The following GDA variants were observed in gnomAD, a reference collection of about 807,000 sequenced individuals.
GDA encodes the protein guanine deaminase.
In GDA, 18 loss-of-function variants were observed where a neutral mutation model predicts 59.6. The ratio of observed to expected loss-of-function variants is 0.30; its 90% CI spans 0.21 to 0.45. The LOEUF (loss-of-function observed/expected upper bound fraction) is 0.45. GDA is among the 20% of genes least tolerant of loss of function. The pLI is 1.00. For missense variants in GDA, 427 were observed against 552.3 expected (o/e 0.77, Z 2.27); for synonymous variants, 201 against 201.1 (o/e 1.00, Z 0.00).
chr9:72,157,871 A>G (rs2130805976), intron 1 of GDA, among the ~76,000 whole-genome samples: 1 of 152,300 alleles, frequency 6.6e-6, no homozygotes, highest in East Asian at 1.9e-4. Context: ...ACCATGACTG[A>G]TTTACACCAT....
intron 1 of GDA, among the ~76,000 whole-genome samples, chr9:72,158,072 G>T (rs927874484): frequency 6.6e-6 from 1 of 152,076 alleles, no homozygotes; most frequent in African/African-American, 2.4e-5. Flanking sequence ...GCCCAGCTCT[G>T]ATCTTCTCTT....
In GDA at chr9:72,198,899, A is replaced by G. The variant is rs913095561; in HGVS notation, c.212+3311A>G. The stretch of plus-strand genomic sequence containing the variant: ...CTCAGGTTATGATACAGCTTGGCCA[A>G]CACTGCAGATTTGGAATACCTGGGG... On this transcript the variant is annotated intron_variant, in intron 2 of 13. Coordinates refer to ENST00000358399, the MANE Select transcript of GDA (RefSeq NM_004293.5). Among the ~76,000 whole-genome samples the G allele has an allele frequency of 2.2e-4, 31 of 144,002 alleles. No homozygotes were observed. In the East Asian group the frequency reaches 5.9e-3, roughly 28 times the overall value. 94.5% of individuals were successfully genotyped at this position (144,002 alleles called of 152,430 possible).
intron 1 of GDA, among the ~76,000 whole-genome samples, chr9:72,116,689 C>T (rs1027992716): frequency 1.3e-5 from 2 of 152,026 alleles, no homozygotes; most frequent in Non-Finnish European, 2.9e-5. Flanking sequence ...CCGGCCTCCC[C>T]AGGTTTTCTA....
chr9:72,152,137 A>G (rs1328040316), intron 1 of GDA, among the ~76,000 whole-genome samples: 1 of 152,188 alleles, frequency 6.6e-6, no homozygotes, highest in Admixed American at 6.5e-5. Context: ...GAATAACTGT[A>G]ACACATAGTT....
At chr9:72,201,190 A>G (rs1344823316) in intron 2 of GDA, among the ~76,000 whole-genome samples, 3 of 125,018 alleles carry the variant, frequency 2.4e-5, no homozygotes, top group Non-Finnish European at 5.4e-5. Context: ...TGAGTCACAC[A>G]GAATTTTTTT....
intron 8 of GDA, 51 bp from the exon 9 acceptor site, chr9:72,227,892 A>G: frequency 1.1e-6 from 1 of 948,740 alleles, no homozygotes; most frequent in Non-Finnish European, 1.7e-6. Context: ...GTGAGTACCC[A>G]CTTAATCATT....
intron 11 of GDA, among the ~76,000 whole-genome samples, chr9:72,241,586 T>C (rs911219992): frequency 6.6e-6 from 1 of 152,180 alleles, no homozygotes; most frequent in African/African-American, 2.4e-5. Flanking sequence ...TGCTTTAAAA[T>C]AATCCATTCT....
intron 2 of GDA, among the ~76,000 whole-genome samples, chr9:72,200,003 T>C (rs892855797): frequency 6.8e-6 from 1 of 147,258 alleles, no homozygotes; most frequent in African/African-American, 2.5e-5. Context: ...TCTTTTTTTT[T>C]TTTTTTTTTT....
intron 1 of GDA, among the ~76,000 whole-genome samples, chr9:72,189,354 T>A (rs1832257008): frequency 6.6e-6 from 1 of 151,716 alleles, no homozygotes; most frequent in Non-Finnish European, 1.5e-5. Flanking sequence ...CTAATTTTTT[T>A]GATTTTTTTA....
chr9:72,230,089 G>T (rs1399650997), intron 9 of GDA, among the ~76,000 whole-genome samples: 1 of 152,170 alleles, frequency 6.6e-6, no homozygotes, highest in African/African-American at 2.4e-5. Context: ...TATTATGTAT[G>T]CACCAGGGCT....
intron 11 of GDA, among the ~76,000 whole-genome samples, chr9:72,241,915 C>G (rs1318725721): frequency 6.6e-6 from 1 of 152,048 alleles, no homozygotes; most frequent in Non-Finnish European, 1.5e-5. Flanking sequence ...ATTAAAGAAT[C>G]CATTTTTCCA....
chr9:72,158,605 A>T (rs930768895), intron 1 of GDA, among the ~76,000 whole-genome samples: 1 of 152,130 alleles, frequency 6.6e-6, no homozygotes, highest in Non-Finnish European at 1.5e-5. Flanking sequence ...AAAAAAAAAA[A>T]AAATGTGGAT....
intron 1 of GDA, among the ~76,000 whole-genome samples, chr9:72,141,638 A>T (rs1396071986): frequency 1.3e-5 from 2 of 152,086 alleles, no homozygotes; most frequent in Non-Finnish European, 2.9e-5. Flanking sequence ...AGGAACATGG[A>T]GTCTAGGAAC....
At chr9:72,184,302 A>T (rs774941802) in intron 1 of GDA, among the ~76,000 whole-genome samples, 2 of 152,166 alleles carry the variant, frequency 1.3e-5, no homozygotes, top group African/African-American at 2.4e-5. Context: ...TGATGTATTG[A>T]CCATTATAGT....
chr9:72,241,041 T>TTA, intron 10 of GDA, 111 bp from the exon 11 acceptor site: 1 of 672,486 alleles, frequency 1.5e-6, no homozygotes, highest in Non-Finnish European at 2.4e-6. Context: ...AAGAGCTTTT[T>TTA]AAAAAAAGTA....
intron 1 of GDA, among the ~76,000 whole-genome samples, chr9:72,176,448 G>T (rs1206515794): frequency 6.6e-6 from 1 of 152,244 alleles, no homozygotes; most frequent in Non-Finnish European, 1.5e-5. Context: ...AGGGAAGAGT[G>T]TCGAAGATTT....
At chr9:72,165,234 AT>A (rs1035373075) in intron 1 of GDA, among the ~76,000 whole-genome samples, 1 of 152,230 alleles carries the variant, frequency 6.6e-6, no homozygotes, top group African/African-American at 2.4e-5. Context: ...ATTTACAAAT[AT>A]TTAATTTCAA....
intron 1 of GDA, among the ~76,000 whole-genome samples, chr9:72,161,483 T>C (rs11143140): frequency 1.7e-3 from 251 of 145,136 alleles, no homozygotes; most frequent in Non-Finnish European, 2.9e-3. Context: ...TACTGGGAGC[T>C]GTAATTAGTT....
chr9:72,223,333 G>C, intron 7 of GDA, 106 bp downstream of exon 7: 1 of 656,300 alleles, frequency 1.5e-6, no homozygotes, highest in Non-Finnish European at 2.7e-6. Flanking sequence ...TGAGTAATCT[G>C]TTTCTTCAAC....
Sources: gnomAD v4.1 joint callset for allele counts (sites outside exome capture counted in the v4.1 genomes callset) on GRCh38, gnomAD v4.1.1 for gene constraint, MANE v1.5 for transcripts, NCBI Gene and HGNC (gene_info 2026-07-23, HGNC 2026-07-21) for gene names.